Variants in COBL observed in about 807,000 individuals in gnomAD.
The protein encoded by COBL is protein cordon-bleu.
In COBL, 51 loss-of-function variants were observed where a neutral mutation model predicts 98.8. That is an observed-to-expected ratio of 0.52 (90% CI 0.41 to 0.65). The LOEUF (loss-of-function observed/expected upper bound fraction) is 0.65, where lower values mean the gene tolerates loss of function less well. Ranked by LOEUF, COBL falls within the 30% of genes least tolerant of loss-of-function variation. The pLI, the probability that COBL is intolerant of heterozygous loss-of-function variation, is 0.00. For missense variants in COBL, 1,617 were observed against 1,617.5 expected (o/e 1.00, Z 0.01); for synonymous variants, 634 against 651.7 (o/e 0.97, Z 0.41).
chr7:51,136,978 G>A (rs1799293141), intron 5 of COBL, among the ~76,000 whole-genome samples: 1 of 152,208 alleles, frequency 6.6e-6, no homozygotes, highest in Admixed American at 6.5e-5. Flanking sequence ...GGCGGAGCAG[G>A]CTACAGGACA....
chr7:51,106,355 A>C, intron 6 of COBL, among the ~76,000 whole-genome samples: 1 of 152,302 alleles, frequency 6.6e-6, no homozygotes, highest in Non-Finnish European at 1.5e-5. Flanking sequence ...CACTGTAATA[A>C]AGCAGTGCCG....
chr7:51,176,556 C>T (rs1387515582), intron 5 of COBL, among the ~76,000 whole-genome samples: 1 of 152,142 alleles, frequency 6.6e-6, no homozygotes, highest in Non-Finnish European at 1.5e-5. Context: ...CTTTTGAGGA[C>T]ATGATTTTTG....
Position 51,271,860 on chromosome 7 carries a change from A to G in COBL, c.41+44733T>C, listed in dbSNP as rs185994734. Among the ~76,000 whole-genome samples the G allele has an allele frequency of 2.4e-3, 365 of 152,296 alleles. 2 individuals are homozygous for G. The highest frequency in any genetic ancestry group is 0.01 in the Middle Eastern group (3 of 294). On this transcript the variant is annotated intron_variant, in intron 1 of 12. Coordinates refer to ENST00000265136, the MANE Select transcript of COBL (RefSeq NM_015198.5). The stretch of plus-strand genomic sequence containing the variant: ...AGTTTGGCCAACATGGTGAAACCCC[A>G]TATCTATGAAAAATACAAAAATTAT...
intron 1 of COBL, among the ~76,000 whole-genome samples, chr7:51,300,982 G>C (rs914799524): frequency 1.3e-5 from 2 of 152,132 alleles, no homozygotes; most frequent in Non-Finnish European, 2.9e-5. Flanking sequence ...GGGGTTAACC[G>C]CTCCATCAGC....
chr7:51,251,492 C>T (rs1256755434), intron 1 of COBL, among the ~76,000 whole-genome samples: 1 of 152,174 alleles, frequency 6.6e-6, no homozygotes, highest in African/African-American at 2.4e-5. Context: ...ATGACTCATA[C>T]AAAGCTGCTC....
rs192412598 is a variant in COBL, at chr7:51,215,195, C to T, written c.245+4546G>A. On this transcript the variant is annotated intron_variant, in intron 2 of 12. Coordinates refer to ENST00000265136, the MANE Select transcript of COBL (RefSeq NM_015198.5). ...CCAATGTCAAAAACACCAACAGCAC[C>T]TTCTGTGAACGTTTAGGAAGAATGT... Among the ~76,000 whole-genome samples the T allele has an allele frequency of 2.2e-4, 33 of 152,318 alleles. 1 individual carries two copies. The highest frequency in any genetic ancestry group is 1.2e-4 in the Non-Finnish European group (8 of 68,028).
chr7:51,136,366 G>A, intron 5 of COBL, 35 bp from the exon 6 acceptor site: 2 of 1,587,272 alleles, frequency 1.3e-6, no homozygotes, highest in South Asian at 1.2e-5. Flanking sequence ...AACCAAATCA[G>A]TATGAGATGA....
intron 7 of COBL, among the ~76,000 whole-genome samples, chr7:51,063,043 C>T (rs1791541596): frequency 1.3e-5 from 2 of 152,150 alleles, no homozygotes; most frequent in Non-Finnish European, 2.9e-5. Context: ...AGGCAATACG[C>T]ACAGTTATTA....
intron 5 of COBL, among the ~76,000 whole-genome samples, chr7:51,167,859 T>C (rs942289621): frequency 3.3e-5 from 5 of 152,150 alleles, no homozygotes; most frequent in Non-Finnish European, 5.9e-5. Context: ...TGGATATTCA[T>C]ATGCAGAAGA....
chr7:51,126,532 A>G (rs116475332), intron 6 of COBL, among the ~76,000 whole-genome samples: 3,369 of 152,038 alleles, frequency 0.022, 119 homozygotes, highest in African/African-American at 0.072. Flanking sequence ...TTATCAGGGC[A>G]CCCTCATTCT....
chr7:51,171,364 G>C lies in COBL; in HGVS notation c.783+12738C>G, dbSNP rs550096089. The stretch of plus-strand genomic sequence containing the variant: ...AGGACAGGTCTCTATGTGATTTTTG[G>C]CATGTTAGATCCTGAGAACTTGAGG... On this transcript the variant is annotated intron_variant, in intron 5 of 12. Transcript: ENST00000265136. Among the ~76,000 whole-genome samples, 4 of 152,170 alleles carry C rather than the reference G, an allele frequency of 2.6e-5. No homozygotes were observed. The South Asian group carries it at 8.3e-4, about 32-fold the overall frequency.
intron 2 of COBL, among the ~76,000 whole-genome samples, chr7:51,199,082 T>C (rs767013026): frequency 6.6e-6 from 1 of 152,136 alleles, no homozygotes; most frequent in Non-Finnish European, 1.5e-5. Context: ...ATACCCAACC[T>C]ATCCCCCCAA....
chr7:51,296,612 A>G (rs1438907355), intron 1 of COBL, among the ~76,000 whole-genome samples: 1 of 152,204 alleles, frequency 6.6e-6, no homozygotes, highest in Non-Finnish European at 1.5e-5. Context: ...AATCAATTTG[A>G]TAAATGACTC....
At chr7:51,136,541 G>A (rs982314696) in intron 5 of COBL, among the ~76,000 whole-genome samples, 13 of 152,144 alleles carry the variant, frequency 8.5e-5, no homozygotes, top group African/African-American at 3.1e-4. Flanking sequence ...CATGCTGTGA[G>A]GCTCCCTTTC....
At chr7:51,146,562 C>T (rs548328429) in intron 5 of COBL, among the ~76,000 whole-genome samples, 2 of 149,936 alleles carry the variant, frequency 1.3e-5, no homozygotes, top group South Asian at 2.1e-4. Context: ...TGCCCCACTC[C>T]GTTCTCCCAT....
chr7:51,195,436 A>G (rs143790238), intron 2 of COBL, among the ~76,000 whole-genome samples: 168 of 152,320 alleles, frequency 1.1e-3, no homozygotes, highest in African/African-American at 3.4e-3. Flanking sequence ...TATAGTTTTA[A>G]GTCAAGTAGC....
chr7:51,120,619 T>C (rs1413649590), intron 6 of COBL, among the ~76,000 whole-genome samples: 1 of 152,100 alleles, frequency 6.6e-6, no homozygotes, highest in African/African-American at 2.4e-5. Context: ...ACTCTACCCA[T>C]CCCACAATAA....
intron 2 of COBL, among the ~76,000 whole-genome samples, chr7:51,196,604 T>C (rs1349446915): frequency 2.6e-5 from 4 of 152,286 alleles, no homozygotes; most frequent in East Asian, 1.9e-4. Flanking sequence ...TTCTTCTTTG[T>C]ATATCTGGTA....
chr7:51,198,113 G>A (rs1790765118), intron 2 of COBL, among the ~76,000 whole-genome samples: 1 of 152,168 alleles, frequency 6.6e-6, no homozygotes. Flanking sequence ...AGTGTCAGTA[G>A]TCTGTGTACT....
Sources: gnomAD v4.1 joint callset for allele counts (sites outside exome capture counted in the v4.1 genomes callset) on GRCh38, gnomAD v4.1.1 for gene constraint, MANE v1.5 for transcripts, NCBI Gene and HGNC (gene_info 2026-07-23, HGNC 2026-07-21) for gene names.